Variants in MMP20 observed in about 807,000 individuals in gnomAD.
MMP20 encodes the protein matrix metalloproteinase-20.
MMP20 carries 50 observed loss-of-function variants against 51.8 expected under a neutral mutation model. The ratio of observed to expected loss-of-function variants is 0.97; its 90% CI spans 0.77 to 1.22. MMP20 has a LOEUF of 1.22. MMP20 is among the 50% of genes most tolerant of loss of function. MMP20 has a pLI of 0.00. For synonymous variants in MMP20, 244 were observed against 216.2 expected, an observed-to-expected ratio of 1.13 and a Z score of -1.13; for missense variants, 663 against 601.4, an observed-to-expected ratio of 1.10 and a Z score of -1.07.
Position 102,577,115 on chromosome 11 carries a change from G to C in MMP20, c.*211C>G. 5.5e-6 allele frequency: 3 copies of C among 542,488 alleles called. No homozygotes were observed. The highest frequency in any genetic ancestry group is 9.9e-6 in the Non-Finnish European group (3 of 302,784). 33.6% of individuals were successfully genotyped at this position (542,488 alleles called of 1,614,324 possible). On this transcript the variant is annotated 3_prime_UTR_variant, in exon 10 of 10. Coordinates refer to ENST00000260228, the MANE Select transcript of MMP20 (RefSeq NM_004771.4). ...TGTGTTGATTTGGATTTCGCATAAA[G>C]TTGCCCATATAAAAACTTTTCTAAT...
At chr11:102,581,668 C>CCACA (rs1859197349) in intron 8 of MMP20, among the ~76,000 whole-genome samples, 1 of 152,244 alleles carries the variant, frequency 6.6e-6, no homozygotes, top group African/African-American at 2.4e-5. Context: ...TTCAGATGGA[C>CCACA]CACTGTAGCT....
intron 6 of MMP20, among the ~76,000 whole-genome samples, chr11:102,603,931 T>C (rs1004375045): frequency 2.0e-5 from 3 of 152,218 alleles, no homozygotes; most frequent in African/African-American, 7.2e-5. Context: ...TCACCCTCAG[T>C]ATTTATAATC....
intron 6 of MMP20, among the ~76,000 whole-genome samples, chr11:102,606,128 C>T (rs1477594847): frequency 6.6e-6 from 1 of 152,214 alleles, no homozygotes; most frequent in African/African-American, 2.4e-5. Flanking sequence ...TATGCACACT[C>T]ACTAGGGATA....
At chr11:102,617,503 T>C (rs1859689940) in intron 1 of MMP20, among the ~76,000 whole-genome samples, 1 of 152,232 alleles carries the variant, frequency 6.6e-6, no homozygotes, top group Non-Finnish European at 1.5e-5. Context: ...GTATCATCTT[T>C]CCATTGTACA....
intron 6 of MMP20, among the ~76,000 whole-genome samples, chr11:102,603,465 G>A (rs1784432): frequency 3.3e-5 from 5 of 151,928 alleles, no homozygotes; most frequent in Admixed American, 3.3e-4. Context: ...TTGAATTCCA[G>A]CTCCACCCCT....
intron 3 of MMP20, among the ~76,000 whole-genome samples, chr11:102,610,487 A>G (rs1859584240): frequency 6.6e-6 from 1 of 152,244 alleles, no homozygotes; most frequent in Non-Finnish European, 1.5e-5. Flanking sequence ...GAATTGAACA[A>G]GTGTGTGCTT....
intron 1 of MMP20, among the ~76,000 whole-genome samples, chr11:102,623,319 C>A (rs1269150386): frequency 6.6e-6 from 1 of 152,184 alleles, no homozygotes; most frequent in African/African-American, 2.4e-5. Context: ...GAACCTGGCC[C>A]CACAGCAGGA....
rs1343432744 is a variant in MMP20, at chr11:102,593,549, A to C, written c.1137T>G (p.Pro379=). ...ITRGFQMQGP[P]RTIYDFGFPR... is the part of the protein sequence containing the mutation. Reference sequence around the variant, plus strand: ...GAAATCCAAAGTCATAAATAGTCCGAGGAGGACCTTGCATTTGGAATCCTC... The same window carrying C: ...GAAATCCAAAGTCATAAATAGTCCGCGGAGGACCTTGCATTTGGAATCCTC... The change falls in exon 8 of 10, where the codon CCT becomes CCG. Residue 379 remains proline (P), a synonymous_variant. Transcript: ENST00000260228. 11 of 1,614,174 alleles carry C rather than the reference A, an allele frequency of 6.8e-6. No individual in the cohort carries two copies. Among genetic ancestry groups the C allele is most frequent in the Admixed American group, 1.7e-5 (1 of 60,026 alleles).
intron 8 of MMP20, among the ~76,000 whole-genome samples, chr11:102,582,373 G>T (rs1008455104): frequency 4.6e-5 from 7 of 152,162 alleles, no homozygotes; most frequent in Non-Finnish European, 8.8e-5. Flanking sequence ...GGCAAAAAGG[G>T]GAATTTACTG....
chr11:102,617,159 T>A, intron 1 of MMP20, 100 bp from the exon 2 acceptor site: 1 of 1,395,494 alleles, frequency 7.2e-7, no homozygotes, highest in East Asian at 2.3e-5. Context: ...TTAAAAGCAG[T>A]GTGTAGAGTA....
intron 6 of MMP20, 133 bp from the exon 7 acceptor site, chr11:102,594,890 T>C (rs1859363346): frequency 1.7e-6 from 2 of 1,178,724 alleles, no homozygotes; most frequent in South Asian, 1.5e-5. Context: ...TTGCCTTGCC[T>C]TGTTTTTTTT....
chr11:102,614,331 C>T (rs144179600), intron 2 of MMP20, among the ~76,000 whole-genome samples: 1 of 152,212 alleles, frequency 6.6e-6, no homozygotes, highest in East Asian at 1.9e-4. Flanking sequence ...CCTCTAGTGT[C>T]CTTTTTCATG....
At chr11:102,624,951 T>C (rs1859800825) in intron 1 of MMP20, among the ~76,000 whole-genome samples, 2 of 152,220 alleles carry the variant, frequency 1.3e-5, no homozygotes, top group African/African-American at 4.8e-5. Flanking sequence ...CTGGAATTCT[T>C]TATGAAGCAA....
At chr11:102,597,446 A>G (rs1371149357) in intron 6 of MMP20, among the ~76,000 whole-genome samples, 1 of 152,242 alleles carries the variant, frequency 6.6e-6, no homozygotes, top group Non-Finnish European at 1.5e-5. Context: ...CGTGAGGACT[A>G]AATTGAAGTA....
intron 2 of MMP20, among the ~76,000 whole-genome samples, chr11:102,614,386 A>ATG (rs1380148355): frequency 6.6e-6 from 1 of 152,134 alleles, no homozygotes; most frequent in African/African-American, 2.4e-5. Flanking sequence ...TGGATAGGCA[A>ATG]TGTGTGTGTT....
At chr11:102,597,110 C>A (rs1252075568) in intron 6 of MMP20, among the ~76,000 whole-genome samples, 1 of 152,154 alleles carries the variant, frequency 6.6e-6, no homozygotes, top group African/African-American at 2.4e-5. Flanking sequence ...GGTAGAGGAG[C>A]AGATATGTCT....
At chr11:102,616,762 A>T in intron 2 of MMP20, 50 bp downstream of exon 2, 1 of 1,607,360 alleles carries the variant, frequency 6.2e-7, no homozygotes, top group South Asian at 1.1e-5. Flanking sequence ...AAAGGGAAAA[A>T]GAGAGAGGTG....
chr11:102,609,798 C>T, intron 4 of MMP20, 107 bp downstream of exon 4: 3 of 1,513,952 alleles, frequency 2.0e-6, no homozygotes, highest in East Asian at 2.3e-5. Context: ...TCCTAGCCAG[C>T]CCCCCTAGTT....
intron 6 of MMP20, among the ~76,000 whole-genome samples, chr11:102,605,587 C>A (rs1406122025): frequency 6.6e-6 from 1 of 151,996 alleles, no homozygotes. Flanking sequence ...ATGGGCCTAA[C>A]TTTTAGAGCT....
Sources: gnomAD v4.1 joint callset for allele counts (sites outside exome capture counted in the v4.1 genomes callset) on GRCh38, gnomAD v4.1.1 for gene constraint, MANE v1.5 for transcripts, NCBI Gene and HGNC (gene_info 2026-07-23, HGNC 2026-07-21) for gene names.